CDH4: variants seen among roughly 807,000 people sequenced by gnomAD.
CDH4 encodes the protein cadherin 4.
Under a neutral mutation model 86.0 loss-of-function variants are expected in CDH4, and 33 were observed. The ratio of observed to expected loss-of-function variants is 0.38; its 90% CI spans 0.29 to 0.51. The LOEUF (loss-of-function observed/expected upper bound fraction) is 0.51. Ranked by LOEUF, CDH4 falls within the 20% of genes least tolerant of loss-of-function variation. The pLI, the probability that CDH4 is intolerant of heterozygous loss-of-function variation, is 0.86. For synonymous variants in CDH4, 555 were observed against 549.4 expected (o/e 1.01, Z -0.14); for missense variants, 1,114 against 1,307.4 (o/e 0.85, Z 2.28).
At position 61,860,778 on chromosome 20, in the gene CDH4, G is replaced by A. The variant is rs115655937; in HGVS notation, c.877+7880G>A. Among the ~76,000 whole-genome samples the A allele has an allele frequency of 2.7e-3, 418 of 152,220 alleles. 2 individuals carry two copies. Among genetic ancestry groups the A allele is most frequent in the African/African-American group, 9.7e-3 (404 of 41,536 alleles). On this transcript the variant is annotated intron_variant, in intron 6 of 15. Transcript: ENST00000614565. ...AAGCCACAGCTGGTTTCCCCCTCCCGTCTAGAGTAATGGCCCACAGGCTGT... is the reference window on the plus strand; with the variant it reads ...AAGCCACAGCTGGTTTCCCCCTCCCATCTAGAGTAATGGCCCACAGGCTGT...
At chr20:61,857,512 G>A (rs754550487) in intron 6 of CDH4, among the ~76,000 whole-genome samples, 1 of 152,234 alleles carries the variant, frequency 6.6e-6, no homozygotes, top group Non-Finnish European at 1.5e-5. Context: ...TTTTTGCCCA[G>A]TTTCCAGCGA....
rs188853204 is a variant in CDH4, at chr20:61,869,964, G to T, written c.878-3764G>T. 1.4e-4 allele frequency among the ~76,000 whole-genome samples: 22 copies of T among 152,352 alleles called. No homozygotes were observed. In the East Asian group the frequency reaches 4.2e-3, roughly 29 times the overall value. On this transcript the variant is annotated intron_variant, in intron 6 of 15. Coordinates refer to ENST00000614565, the MANE Select transcript of CDH4 (RefSeq NM_001794.5). ...ATCTGAGTCCTGTGGAGGCGGAGGA[G>T]GGGGACCTCTGTGGTGGGAGGCTCC...
At chr20:61,780,601 A>G (rs1179580614) in intron 4 of CDH4, among the ~76,000 whole-genome samples, 3 of 152,204 alleles carry the variant, frequency 2.0e-5, no homozygotes, top group Non-Finnish European at 4.4e-5. Flanking sequence ...ACCTGGCAAT[A>G]ATAAATTGGA....
intron 2 of CDH4, among the ~76,000 whole-genome samples, chr20:61,351,863 G>A (rs969239014): frequency 6.6e-6 from 1 of 152,022 alleles, no homozygotes; most frequent in African/African-American, 2.4e-5. Flanking sequence ...ACTATGGGCA[G>A]GCGCCACCAT....
At chr20:61,326,030 A>T (rs1217461745) in intron 2 of CDH4, among the ~76,000 whole-genome samples, 2 of 152,194 alleles carry the variant, frequency 1.3e-5, no homozygotes, top group African/African-American at 2.4e-5. Context: ...TATACCCGTG[A>T]TAGTAGTGGG....
At chr20:61,421,816 G>T (rs976710906) in intron 2 of CDH4, among the ~76,000 whole-genome samples, 1 of 152,192 alleles carries the variant, frequency 6.6e-6, no homozygotes, top group Non-Finnish European at 1.5e-5. Context: ...CCCACTGGGT[G>T]TGCACTAGGG....
Position 61,551,584 on chromosome 20 carries a change from C to G in CDH4, c.170-191979C>G, listed in dbSNP as rs867902156. Among the ~76,000 whole-genome samples the G allele has an allele frequency of 3.3e-5, 5 of 152,336 alleles. No homozygotes were observed. In the East Asian group the frequency reaches 9.6e-4, roughly 29 times the overall value. ...GGGGAACTTCCTATGCAGGGAACCACGTGACTTCCCCCACCTAACCTTATG... is the reference window on the plus strand; with the variant it reads ...GGGGAACTTCCTATGCAGGGAACCAGGTGACTTCCCCCACCTAACCTTATG... On this transcript the variant is annotated intron_variant, in intron 2 of 15. Coordinates refer to ENST00000614565, the MANE Select transcript of CDH4 (RefSeq NM_001794.5).
At chr20:61,395,557 A>C (rs1026208657) in intron 2 of CDH4, among the ~76,000 whole-genome samples, 1 of 152,122 alleles carries the variant, frequency 6.6e-6, no homozygotes, top group East Asian at 1.9e-4. Flanking sequence ...AGGCAGGAGG[A>C]TCTCTTGAGC....
intron 2 of CDH4, among the ~76,000 whole-genome samples, chr20:61,356,798 G>A (rs1488397160): frequency 6.6e-6 from 1 of 152,300 alleles, no homozygotes; most frequent in East Asian, 1.9e-4. Flanking sequence ...TGGAACATCA[G>A]CCAGTTTTGG....
chr20:61,892,468 A>C (rs1197490339), intron 7 of CDH4, among the ~76,000 whole-genome samples: 1 of 152,202 alleles, frequency 6.6e-6, no homozygotes, highest in African/African-American at 2.4e-5. Context: ...TAAAAGTGCA[A>C]GCCAGGAATG....
At chr20:61,747,933 A>G (rs1283267734) in intron 3 of CDH4, among the ~76,000 whole-genome samples, 1 of 103,236 alleles carries the variant, frequency 9.7e-6, no homozygotes, top group Non-Finnish European at 1.9e-5. Context: ...TCTATGCAGG[A>G]GAAATATTTA....
At chr20:61,346,281 A>AGGG in intron 2 of CDH4, among the ~76,000 whole-genome samples, 1 of 152,032 alleles carries the variant, frequency 6.6e-6, no homozygotes, top group East Asian at 2.0e-4. Flanking sequence ...AGACGGCCCC[A>AGGG]GGGGCCATGA....
At chr20:61,608,451 T>G (rs1026599987) in intron 2 of CDH4, among the ~76,000 whole-genome samples, 1 of 152,210 alleles carries the variant, frequency 6.6e-6, no homozygotes, top group Non-Finnish European at 1.5e-5. Flanking sequence ...CAGCAGCACC[T>G]GGCCCTGCAG....
At chr20:61,285,241 G>A (rs935255020) in intron 2 of CDH4, among the ~76,000 whole-genome samples, 3 of 152,214 alleles carry the variant, frequency 2.0e-5, no homozygotes, top group Non-Finnish European at 2.9e-5. Flanking sequence ...CAGAAAGCCC[G>A]TGTGACATCG....
At chr20:61,293,569 C>G (rs959794340) in intron 2 of CDH4, among the ~76,000 whole-genome samples, 2 of 152,194 alleles carry the variant, frequency 1.3e-5, no homozygotes, top group African/African-American at 2.4e-5. Context: ...CCTGAAATAG[C>G]CTTGCATGTG....
intron 4 of CDH4, among the ~76,000 whole-genome samples, chr20:61,825,613 A>G (rs1395443706): frequency 6.6e-6 from 1 of 152,180 alleles, no homozygotes; most frequent in African/African-American, 2.4e-5. Flanking sequence ...CCAGAGGGGA[A>G]ACTGAGGCAA....
chr20:61,541,887 C>G (rs186788505), intron 2 of CDH4, among the ~76,000 whole-genome samples: 33 of 152,238 alleles, frequency 2.2e-4, no homozygotes, highest in African/African-American at 5.8e-4. Flanking sequence ...CCCACCTCCT[C>G]CCTCCCTCAG....
chr20:61,615,692 A>T (rs1430199563), intron 2 of CDH4, among the ~76,000 whole-genome samples: 1 of 152,154 alleles, frequency 6.6e-6, no homozygotes, highest in Non-Finnish European at 1.5e-5. Flanking sequence ...TTCCCAAGAG[A>T]CATTGTCATT....
At chr20:61,495,528 A>G (rs1445380008) in intron 2 of CDH4, among the ~76,000 whole-genome samples, 2 of 146,612 alleles carry the variant, frequency 1.4e-5, no homozygotes. Context: ...TGAGGTGGGA[A>G]TGGCCACTTA....
Sources: gnomAD v4.1 joint callset for allele counts (sites outside exome capture counted in the v4.1 genomes callset) on GRCh38, gnomAD v4.1.1 for gene constraint, MANE v1.5 for transcripts, NCBI Gene and HGNC (gene_info 2026-07-23, HGNC 2026-07-21) for gene names.